SUGCT: variants seen among roughly 807,000 people sequenced by gnomAD.
The protein encoded by SUGCT is succinyl-CoA:glutarate-CoA transferase.
Under a neutral mutation model 55.0 loss-of-function variants are expected in SUGCT, and 41 were observed. The ratio of observed to expected loss-of-function variants is 0.74; its 90% CI spans 0.58 to 0.97. The LOEUF (loss-of-function observed/expected upper bound fraction) is 0.97. Among genes scored for constraint, SUGCT ranks in the 50% least tolerant of loss-of-function variants. SUGCT has a pLI of 0.00. For synonymous variants in SUGCT, 187 were observed against 200.4 expected (o/e 0.93, Z 0.56); for missense variants, 568 against 547.8 (o/e 1.04, Z -0.37).
At chr7:40,466,041 C>G (rs528507117) in intron 11 of SUGCT, among the ~76,000 whole-genome samples, 66 of 152,024 alleles carry the variant, frequency 4.3e-4, no homozygotes, top group Non-Finnish European at 7.8e-4. Context: ...GCCACCATGC[C>G]TGCTTAATTT....
At chr7:40,701,025 G>A (rs780135065) in intron 12 of SUGCT, among the ~76,000 whole-genome samples, 39 of 152,128 alleles carry the variant, frequency 2.6e-4, no homozygotes, top group Non-Finnish European at 4.9e-4. Flanking sequence ...GTTTTGCTTG[G>A]TAGTGGTCCT....
At chr7:40,911,289 T>C in the SUGCT span, among the ~76,000 whole-genome samples, 1 of 152,230 alleles carries the variant, frequency 6.6e-6, no homozygotes, top group East Asian at 1.9e-4. Context: ...TAAGACATTG[T>C]ACTTGCTGTT....
chr7:41,009,148 A>G, the SUGCT span, among the ~76,000 whole-genome samples: 673 of 147,464 alleles, frequency 4.6e-3, 4 homozygotes, highest in African/African-American at 0.016. Flanking sequence ...CAGGAGTTTA[A>G]GGTTATAGTG....
At chr7:40,994,881 C>T in the SUGCT span, among the ~76,000 whole-genome samples, 2 of 152,292 alleles carry the variant, frequency 1.3e-5, no homozygotes, top group Admixed American at 1.3e-4. Flanking sequence ...GTTGCTCTCA[C>T]ATGTAATATA....
At chr7:40,820,162 T>C (rs539468767) in intron 13 of SUGCT, among the ~76,000 whole-genome samples, 1,551 of 152,358 alleles carry the variant, frequency 0.01, 25 homozygotes, top group African/African-American at 0.036. Context: ...TTTTGGTTAC[T>C]GTAGCCTTGT....
At chr7:40,749,916 G>A (rs564475541) in intron 13 of SUGCT, among the ~76,000 whole-genome samples, 63 of 152,274 alleles carry the variant, frequency 4.1e-4, no homozygotes, top group African/African-American at 1.4e-3. Context: ...GCTCAGGCTC[G>A]GGCATTTTCT....
intron 8 of SUGCT, among the ~76,000 whole-genome samples, chr7:40,303,789 C>G (rs943586624): frequency 6.6e-6 from 1 of 152,128 alleles, no homozygotes; most frequent in Non-Finnish European, 1.5e-5. Context: ...CACCTCTCTC[C>G]CCGTTTTGGA....
intron 9 of SUGCT, among the ~76,000 whole-genome samples, chr7:40,408,030 C>A (rs1304085059): frequency 1.3e-5 from 2 of 152,002 alleles, no homozygotes; most frequent in African/African-American, 4.8e-5. Context: ...TTTCTGTAGT[C>A]TTTTGGTAGT....
the SUGCT span, among the ~76,000 whole-genome samples, chr7:40,890,089 C>T: frequency 6.6e-6 from 1 of 151,290 alleles, no homozygotes; most frequent in African/African-American, 2.4e-5. Context: ...AATAAAAGTT[C>T]TGTGTGGGTT....
Position 40,771,942 on chromosome 7 carries a change from T to C in SUGCT, c.1153+22445T>C, listed in dbSNP as rs1268213632. 2.0e-5 allele frequency among the ~76,000 whole-genome samples: 3 copies of C among 152,292 alleles called. No individual in the cohort carries two copies. In the East Asian group the frequency reaches 5.8e-4, roughly 29 times the overall value. On this transcript the variant is annotated intron_variant, in intron 13 of 13. Transcript: ENST00000335693. ...TTCCCACTGTCCTCTACCTCAAGAA[T>C]TGTTAGAGGATAGTTAATTAGCATA...
At chr7:40,880,187 T>C in the SUGCT span, among the ~76,000 whole-genome samples, 4 of 152,244 alleles carry the variant, frequency 2.6e-5, no homozygotes, top group African/African-American at 9.6e-5. Flanking sequence ...ATGGTATTGT[T>C]TGATTTATTC....
intron 7 of SUGCT, among the ~76,000 whole-genome samples, chr7:40,248,344 A>C (rs1427041048): frequency 1.3e-5 from 2 of 151,832 alleles, no homozygotes; most frequent in Non-Finnish European, 2.9e-5. Context: ...GGGTTACCTA[A>C]ACTGAATGTT....
chr7:40,934,476 C>T, the SUGCT span, among the ~76,000 whole-genome samples: 2 of 152,196 alleles, frequency 1.3e-5, no homozygotes, highest in Admixed American at 6.5e-5. Context: ...CTCTTTGGGG[C>T]TGTCAGACAG....
chr7:40,278,167 C>G (rs1220545547), intron 8 of SUGCT, among the ~76,000 whole-genome samples: 1 of 152,012 alleles, frequency 6.6e-6, no homozygotes, highest in South Asian at 2.1e-4. Context: ...AGCCAAAAGA[C>G]ACATGAAAAA....
At chr7:40,492,196 T>A (rs932396294) in intron 11 of SUGCT, among the ~76,000 whole-genome samples, 1 of 152,044 alleles carries the variant, frequency 6.6e-6, no homozygotes, top group Non-Finnish European at 1.5e-5. Flanking sequence ...CCAAACCAGA[T>A]TTCAGAGGCT....
the SUGCT span, among the ~76,000 whole-genome samples, chr7:40,913,538 T>C: frequency 1.3e-5 from 2 of 152,206 alleles, no homozygotes; most frequent in African/African-American, 4.8e-5. Context: ...TTCCAGAGCA[T>C]GTACTACAAG....
chr7:40,963,144 T>C, the SUGCT span, among the ~76,000 whole-genome samples: 3 of 152,334 alleles, frequency 2.0e-5, no homozygotes, highest in East Asian at 5.8e-4. Context: ...TTATTTGAAT[T>C]ATTCCCACAT....
chr7:40,360,096 C>T (rs1197386261), intron 9 of SUGCT, among the ~76,000 whole-genome samples: 9 of 152,200 alleles, frequency 5.9e-5, no homozygotes, highest in Non-Finnish European at 1.3e-4. Flanking sequence ...TCACTGCAAC[C>T]TCCGCCTGCC....
intron 12 of SUGCT, among the ~76,000 whole-genome samples, chr7:40,678,410 A>G (rs1784099639): frequency 6.6e-6 from 1 of 152,120 alleles, no homozygotes; most frequent in Admixed American, 6.6e-5. Context: ...ATCTAAAGCT[A>G]TTTTTAGTTG....
Sources: gnomAD v4.1 joint callset for allele counts (sites outside exome capture counted in the v4.1 genomes callset) on GRCh38, gnomAD v4.1.1 for gene constraint, MANE v1.5 for transcripts, NCBI Gene and HGNC (gene_info 2026-07-23, HGNC 2026-07-21) for gene names.